The following GRIN2B variants were observed in gnomAD, a reference collection of about 807,000 sequenced individuals.
The protein encoded by GRIN2B is glutamate ionotropic receptor NMDA type subunit 2B.
GRIN2B carries 5 observed loss-of-function variants against 114.5 expected under a neutral mutation model. The ratio of observed to expected loss-of-function variants is 0.04; its 90% CI spans 0.02 to 0.09. The LOEUF is 0.09. Ranked by LOEUF, GRIN2B falls within the 10% of genes least tolerant of loss-of-function variation. GRIN2B has a pLI of 1.00. For missense variants in GRIN2B, 1,108 were observed against 1,943.5 expected (o/e 0.57, Z 8.08); for synonymous variants, 787 against 745.1 (o/e 1.06, Z -0.92).
At chr12:13,675,944 G>A (rs1407545661) in intron 4 of GRIN2B, 85 bp from the exon 5 acceptor site, 5 of 783,102 alleles carry the variant, frequency 6.4e-6, no homozygotes, top group Non-Finnish European at 9.1e-6. Context: ...AGAGAAAGCT[G>A]GCTGGAGACA....
At chr12:13,915,052 A>G (rs1866690356) in intron 2 of GRIN2B, among the ~76,000 whole-genome samples, 1 of 152,184 alleles carries the variant, frequency 6.6e-6, no homozygotes, top group Non-Finnish European at 1.5e-5. Context: ...AGAAGAGAAG[A>G]ATCCAAAAGT....
At chr12:13,923,604 A>G (rs1326636815) in intron 2 of GRIN2B, among the ~76,000 whole-genome samples, 1 of 152,214 alleles carries the variant, frequency 6.6e-6, no homozygotes, top group Non-Finnish European at 1.5e-5. Context: ...GAGTTTAGAG[A>G]CGTTTACTAA....
At position 13,563,584 on chromosome 12, in the gene GRIN2B, A is replaced by G. The variant is rs1302581189; in HGVS notation, c.3654T>C (p.Cys1218=). 6.2e-7 allele frequency: 1 copy of G among 1,613,912 alleles called. No individual in the cohort carries two copies. The highest frequency in any genetic ancestry group is 1.7e-5 in the Admixed American group (1 of 60,022). The change falls in exon 14 of 14, where the codon TGT becomes TGC. Residue 1218 remains cysteine, a synonymous_variant. Coordinates refer to ENST00000609686, the MANE Select transcript of GRIN2B (RefSeq NM_000834.5). ...TGGAGTAGTTGTGCAGCTTGGAGGG[A>G]CAGCTGCGGCAGAAGTTGCCCCCGG... The part of the protein sequence containing the change: ...DRSGGNFCRS[C]PSKLHNYSTT...
At chr12:13,827,916 G>A (rs1022840888) in intron 3 of GRIN2B, among the ~76,000 whole-genome samples, 9 of 152,166 alleles carry the variant, frequency 5.9e-5, no homozygotes, top group East Asian at 3.9e-4. Flanking sequence ...TCCTGACCTC[G>A]TGATCTGCCC....
intron 3 of GRIN2B, among the ~76,000 whole-genome samples, chr12:13,779,822 C>T (rs1280780534): frequency 2.6e-5 from 4 of 152,178 alleles, no homozygotes; most frequent in Non-Finnish European, 4.4e-5. Flanking sequence ...GGTAAATAAC[C>T]TCTCTGTGCC....
rs1950298744 is a variant in GRIN2B, at chr12:13,700,258, T to C, written c.1011-24399A>G. 2.0e-5 allele frequency among the ~76,000 whole-genome samples: 3 copies of C among 152,186 alleles called. No individual in the cohort carries two copies. The South Asian group carries it at 6.2e-4, about 32-fold the overall frequency. ...GCAATTTTAAGGAGGTCAAATACCA[T>C]CCCCCTCCTCTTGGCCTATGTAATT... On this transcript the variant is annotated intron_variant, in intron 4 of 13. Coordinates refer to ENST00000609686, the MANE Select transcript of GRIN2B (RefSeq NM_000834.5).
At chr12:13,787,244 C>G (rs1228108478) in intron 3 of GRIN2B, among the ~76,000 whole-genome samples, 3 of 152,178 alleles carry the variant, frequency 2.0e-5, no homozygotes, top group Non-Finnish European at 4.4e-5. Flanking sequence ...AGATGAACTT[C>G]AGTGGAATTC....
At chr12:13,681,191 C>T (rs1950128844) in intron 4 of GRIN2B, among the ~76,000 whole-genome samples, 1 of 152,142 alleles carries the variant, frequency 6.6e-6, no homozygotes, top group Non-Finnish European at 1.5e-5. Flanking sequence ...CATGTCTTTA[C>T]AAGCACTAGA....
chr12:13,672,417 C>A (rs1050661598), intron 5 of GRIN2B, among the ~76,000 whole-genome samples: 1 of 152,162 alleles, frequency 6.6e-6, no homozygotes, highest in African/African-American at 2.4e-5. Flanking sequence ...CTGGAGTCCA[C>A]TGACACTAAA....
At chr12:13,591,365 G>A (rs1053168903) in intron 10 of GRIN2B, among the ~76,000 whole-genome samples, 50 of 152,188 alleles carry the variant, frequency 3.3e-4, no homozygotes, top group African/African-American at 1.2e-3. Flanking sequence ...GATGTAGGAC[G>A]TGACCACTAA....
chr12:13,813,399 T>C (rs1372047648), intron 3 of GRIN2B, among the ~76,000 whole-genome samples: 1 of 152,152 alleles, frequency 6.6e-6, no homozygotes, highest in Non-Finnish European at 1.5e-5. Flanking sequence ...TGTGAATATG[T>C]TGTAAATTCC....
intron 3 of GRIN2B, among the ~76,000 whole-genome samples, chr12:13,764,985 C>CA (rs765911498): frequency 5.8e-4 from 89 of 152,312 alleles, no homozygotes; most frequent in Admixed American, 1.2e-3. Flanking sequence ...AGTATGAGTG[C>CA]AACATGCAGT....
intron 3 of GRIN2B, among the ~76,000 whole-genome samples, chr12:13,848,200 A>G (rs1166048223): frequency 1.3e-5 from 2 of 152,214 alleles, no homozygotes; most frequent in Admixed American, 6.5e-5. Flanking sequence ...TTATGGTCCA[A>G]TGGGGTATCT....
intron 2 of GRIN2B, among the ~76,000 whole-genome samples, chr12:13,970,131 T>C (rs770729796): frequency 6.6e-6 from 1 of 152,132 alleles, no homozygotes; most frequent in Non-Finnish European, 1.5e-5. Context: ...TCACTTCTAG[T>C]TGGGGAGATC....
chr12:13,589,502 T>G (rs1046979779), intron 10 of GRIN2B, among the ~76,000 whole-genome samples: 1 of 152,230 alleles, frequency 6.6e-6, no homozygotes, highest in African/African-American at 2.4e-5. Context: ...ACACTAACCT[T>G]AGTACCAACA....
At chr12:13,897,404 A>T (rs1273760013) in intron 2 of GRIN2B, among the ~76,000 whole-genome samples, 2 of 152,200 alleles carry the variant, frequency 1.3e-5, no homozygotes, top group African/African-American at 4.8e-5. Flanking sequence ...CAGGGAGAGA[A>T]ATCTTACTGT....
intron 10 of GRIN2B, among the ~76,000 whole-genome samples, chr12:13,597,876 A>G (rs1199594029): frequency 2.0e-5 from 3 of 152,232 alleles, no homozygotes; most frequent in Admixed American, 1.3e-4. Flanking sequence ...ATATATGTTC[A>G]TTACATAGTT....
chr12:13,754,304 T>G (rs1005080582), intron 3 of GRIN2B, among the ~76,000 whole-genome samples: 2 of 152,196 alleles, frequency 1.3e-5, no homozygotes, highest in Admixed American at 1.3e-4. Context: ...CAGGTCAGGT[T>G]TTGTTGTCAA....
At chr12:13,835,390 C>T (rs1865242055) in intron 3 of GRIN2B, among the ~76,000 whole-genome samples, 1 of 152,108 alleles carries the variant, frequency 6.6e-6, no homozygotes, top group South Asian at 2.1e-4. Context: ...GAGCACGTGC[C>T]TGGGAAGAAG....
Sources: gnomAD v4.1 joint callset for allele counts (sites outside exome capture counted in the v4.1 genomes callset) on GRCh38, gnomAD v4.1.1 for gene constraint, MANE v1.5 for transcripts, NCBI Gene and HGNC (gene_info 2026-07-23, HGNC 2026-07-21) for gene names.